NSMF: variants seen among roughly 807,000 people sequenced by gnomAD.
NSMF encodes nasal embryonic LHRH factor.
In NSMF, 31 loss-of-function variants were observed where a neutral mutation model predicts 71.0. That is an observed-to-expected ratio of 0.44 (90% confidence interval 0.33 to 0.59). The LOEUF (loss-of-function observed/expected upper bound fraction) is 0.59. Ranked by LOEUF, NSMF falls within the 20% of genes least tolerant of loss-of-function variation. NSMF has a pLI of 0.04. For missense variants in NSMF, 673 were observed against 740.5 expected (o/e 0.91, Z 1.06); for synonymous variants, 345 against 287.1 (o/e 1.20, Z -2.04).
At chr9:137,452,984 A>G in intron 9 of NSMF, 72 bp downstream of exon 9, 1 of 1,603,166 alleles carries the variant, frequency 6.2e-7, no homozygotes, top group Non-Finnish European at 8.5e-7. Flanking sequence ...TCCCAGGCAG[A>G]GCTGGCTGGA....
intron 3 of NSMF, 116 bp from the exon 4 acceptor site, chr9:137,456,602 G>A: frequency 8.4e-6 from 6 of 710,524 alleles, no homozygotes; most frequent in Admixed American, 1.8e-5. Flanking sequence ...CTGGCAGCCA[G>A]GGCGGGTGGG....
chr9:137,458,999 C>A (rs900718624), intron 1 of NSMF, 33 bp downstream of exon 1: 6 of 1,267,698 alleles, frequency 4.7e-6, no homozygotes, highest in Non-Finnish European at 6.0e-6. Flanking sequence ...AGGTCCAGGG[C>A]GGGGTGCGGG....
Position 137,456,819 on chromosome 9 carries a change from C to T in NSMF, c.629-333G>A, listed in dbSNP as rs569618176. On this transcript the variant is annotated intron_variant, in intron 3 of 15. Transcript: ENST00000371475. ...AAACAATGCGTCTGTTTCCCTTGGG[C>T]AGAAGAGGCTCTGAGGCCTTCTCTG... Among the ~76,000 whole-genome samples, 441 of 152,346 alleles carry T rather than the reference C, an allele frequency of 2.9e-3. 3 individuals are homozygous for T. The highest frequency in any genetic ancestry group is 0.01 in the African/African-American group (423 of 41,584).
chr9:137,459,023 C>G lies in NSMF; in HGVS notation c.71+9G>C. On this transcript the variant is annotated intron_variant, in intron 1 of 15. Transcript: ENST00000371475. ...GCGGGGTGCGGGAAGGCGGCCCCGC[C>G]GCACTCACCGCACTTTGGCCGCCAC... 7.8e-7 allele frequency: 1 copy of G among 1,280,468 alleles called. No individual in the cohort carries two copies. The highest frequency in any genetic ancestry group is 9.9e-7 in the Non-Finnish European group (1 of 1,015,068). The allele number at this position is 1,280,468 out of a possible 1,614,324, so 79.3% of individuals were successfully genotyped here. A position where few individuals can be genotyped will look rare whatever the true frequency, so the allele number is the denominator to read the frequency against.
In NSMF at chr9:137,457,609, G is replaced by T; in HGVS notation, c.426C>A (p.Ser142Arg). The T allele has an allele frequency of 6.4e-7, 1 of 1,553,434 alleles. No homozygotes were observed. The highest frequency in any genetic ancestry group is 8.7e-7 in the Non-Finnish European group (1 of 1,148,602). The change falls in exon 3 of 16, where the codon AGC becomes AGA. Residue 142 changes from serine to arginine, a missense_variant. Around this residue, in one of 2 missense-constraint regions of NSMF, gnomAD observed 471 missense variants for 459.6 expected, o/e 1.02. Transcript: ENST00000371475. Reference protein sequence around the residue: ...PHHHSQPLRASPGGSREDVSR... With the variant: ...PHHHSQPLRARPGGSREDVSR... The stretch of plus-strand genomic sequence containing the variant: ...TGACGTCCTCCCGGCTGCCACCAGG[G>T]CTGGCGCGCAGGGGCTGGCTGTGAT...
intron 2 of NSMF, 61 bp from the exon 3 acceptor site, chr9:137,457,962 A>G (rs1382247062): frequency 1.3e-6 from 2 of 1,534,268 alleles, no homozygotes; most frequent in East Asian, 4.9e-5. Flanking sequence ...CCGGTTTCAT[A>G]GCAGGCCGAA....
chr9:137,454,038 G>C (rs983705698), intron 7 of NSMF, among the ~76,000 whole-genome samples: 1 of 151,062 alleles, frequency 6.6e-6, no homozygotes, highest in East Asian at 2.0e-4. Flanking sequence ...TGGGAAGGGA[G>C]GAGCCTGGGC....
rs568415621 is a variant in NSMF, at chr9:137,448,090, G to C, written c.*1304C>G. On this transcript the variant is annotated 3_prime_UTR_variant, in exon 16 of 16. Coordinates refer to ENST00000371475, the MANE Select transcript of NSMF (RefSeq NM_001130969.3). This position sits in a 1 kb window ranked among gnomAD's most constrained non-coding sequence, Gnocchi z 5.3. ...CTGGTCCCCCTGGCTATGCCCTGTG[G>C]GGTGGTCTAGTGGCCTAGCTCCAAC... is the stretch of plus-strand genomic sequence containing the variant. 6.6e-6 allele frequency: 1 copy of C among 152,646 alleles called. No homozygotes were observed. The highest frequency in any genetic ancestry group is 1.9e-4 in the East Asian group (1 of 5,184). 9.5% of individuals were successfully genotyped at this position (152,646 alleles called of 1,614,324 possible).
At chr9:137,456,265 C>T (rs1830829288) in intron 4 of NSMF, 146 bp downstream of exon 4, 10 of 762,052 alleles carry the variant, frequency 1.3e-5, no homozygotes, top group Non-Finnish European at 2.4e-5. Context: ...CCTGGCCTCC[C>T]TGGCAGGCCT....
At position 137,455,276 on chromosome 9, in the gene NSMF, G is replaced by C; in HGVS notation, c.742C>G (p.Arg248Gly). The C allele has an allele frequency of 6.2e-7, 1 of 1,612,794 alleles. No homozygotes were observed. Among genetic ancestry groups the C allele is most frequent in the Non-Finnish European group, 8.5e-7 (1 of 1,179,924 alleles). ...GACGCGGAATCATTCTCCCGTTTCC[G>C]GCGCTTCCTCTCCGCGTAGCCCCTG... The part of the protein sequence containing the change: ...VFRGYAERKR[R>G]KRENDSASVI... Residue 248 changes from arginine (R) to glycine (G), a missense_variant, in exon 6 of 16, where the codon CGG becomes GGG. Arg to Gly is a moderately radical substitution (Grantham distance 125). Coordinates refer to ENST00000371475, the MANE Select transcript of NSMF (RefSeq NM_001130969.3).
At chr9:137,458,451 G>A (rs1463532396) in intron 2 of NSMF, 37 bp downstream of exon 2, 4 of 1,537,248 alleles carry the variant, frequency 2.6e-6, no homozygotes, top group Non-Finnish European at 3.5e-6. Context: ...GGGCTGGGGG[G>A]TCTGGGCGGC....
In NSMF at chr9:137,453,241, G is replaced by A; in HGVS notation, c.923-61C>T. ...GGCAGCACCTCCTATCCTGGCCATG[G>A]CCCCAAGGCCCACAGGGCCCGAAAG... On this transcript the variant is annotated intron_variant, in intron 8 of 15. Transcript: ENST00000371475. The surrounding 1 kb of genome is among the most constrained non-coding windows in gnomAD (Gnocchi z 4.5). The A allele has an allele frequency of 2.5e-6, 4 of 1,604,994 alleles. No homozygotes were observed. The highest frequency in any genetic ancestry group is 3.4e-6 in the Non-Finnish European group (4 of 1,178,444).
chr9:137,449,062 G>T lies in NSMF; in HGVS notation c.*332C>A. 2.1e-6 allele frequency: 1 copy of T among 476,076 alleles called. No individual in the cohort carries two copies. Among genetic ancestry groups the T allele is most frequent in the Non-Finnish European group, 3.9e-6 (1 of 257,900 alleles). 29.5% of individuals were successfully genotyped at this position (476,076 alleles called of 1,614,324 possible). On this transcript the variant is annotated 3_prime_UTR_variant, in exon 16 of 16. Coordinates refer to ENST00000371475, the MANE Select transcript of NSMF (RefSeq NM_001130969.3). ...CTGCTTCCCTTTGAATTGTTTCGGG[G>T]GTGTAGAAATTGCACTTATTTCTAT...
At chr9:137,452,343 G>A in intron 12 of NSMF, 22 bp downstream of exon 12, 1 of 1,607,032 alleles carries the variant, frequency 6.2e-7, no homozygotes, top group Non-Finnish European at 8.5e-7. Context: ...CTCCTGGTCA[G>A]GAGACGAGCA....
chr9:137,454,961 C>T, intron 6 of NSMF: 1 of 703,010 alleles, frequency 1.4e-6, no homozygotes, highest in Non-Finnish European at 2.6e-6. Context: ...AAAAAGCTTC[C>T]CAGACACATC....
Position 137,453,655 on chromosome 9 carries a change from C to G in NSMF, c.922+76G>C. 8.3e-7 allele frequency: 1 copy of G among 1,204,302 alleles called. No individual in the cohort carries two copies. 74.6% of individuals were successfully genotyped at this position (1,204,302 alleles called of 1,614,324 possible). On this transcript the variant is annotated intron_variant, in intron 8 of 15. Coordinates refer to ENST00000371475, the MANE Select transcript of NSMF (RefSeq NM_001130969.3). This position sits in a 1 kb window ranked among gnomAD's most constrained non-coding sequence, Gnocchi z 4.5. The stretch of plus-strand genomic sequence containing the variant: ...CAAAAGCGCAGCCCAGCGGCCCTGG[C>G]AGGGGACCCCCAGCAGGGGTCTGGG...
At position 137,458,538 on chromosome 9, in the gene NSMF, G is replaced by A; in HGVS notation, c.83C>T (p.Ala28Val). 1.3e-6 allele frequency: 2 copies of A among 1,596,910 alleles called. No homozygotes were observed. Among genetic ancestry groups the A allele is most frequent in the South Asian group, 1.1e-5 (1 of 88,812 alleles). Reference protein sequence around the residue: ...SVAAKVRAARAFGEYLSQSHP... With the variant: ...SVAAKVRAARVFGEYLSQSHP... Reference sequence around the variant, plus strand: ...ACTCTGGGACAGGTACTCTCCAAACGCTCGGGCTGCTCTGAGGGTGGACAG... The same window carrying A: ...ACTCTGGGACAGGTACTCTCCAAACACTCGGGCTGCTCTGAGGGTGGACAG... Residue 28 changes from alanine (A) to valine (V), a missense_variant, in exon 2 of 16, where the codon GCG becomes GTG. By Grantham distance (64) the Ala-to-Val change is moderately conservative (BLOSUM62 0). This residue lies in a region of NSMF where 471 missense variants were observed against 459.6 expected (regional missense o/e 1.02). Coordinates refer to ENST00000371475, the MANE Select transcript of NSMF (RefSeq NM_001130969.3).
At position 137,453,861 on chromosome 9, in the gene NSMF, G is replaced by A; in HGVS notation, c.833-41C>T. 1 of 1,526,616 alleles carries A rather than the reference G, an allele frequency of 6.6e-7. No homozygotes were observed. The highest frequency in any genetic ancestry group is 8.8e-7 in the Non-Finnish European group (1 of 1,134,888). The allele number at this position is 1,526,616 out of a possible 1,614,324, so 94.6% of individuals were successfully genotyped here. A position where few individuals can be genotyped will look rare whatever the true frequency, so the allele number is the denominator to read the frequency against. ...CCCGCATTAGCGAGCGGGTGGGGCGGGGCCTCGGGAGTCTCAGACCCCAGG... is the reference window on the plus strand; with the variant it reads ...CCCGCATTAGCGAGCGGGTGGGGCGAGGCCTCGGGAGTCTCAGACCCCAGG... On this transcript the variant is annotated intron_variant, in intron 7 of 15. Coordinates refer to ENST00000371475, the MANE Select transcript of NSMF (RefSeq NM_001130969.3). This position sits in a 1 kb window ranked among gnomAD's most constrained non-coding sequence, Gnocchi z 4.5.
chr9:137,451,833 G>A (rs907305249), intron 12 of NSMF, among the ~76,000 whole-genome samples: 3 of 14,518 alleles, frequency 2.1e-4, no homozygotes, highest in South Asian at 4.9e-3. Flanking sequence ...TTTCCCCCCC[G>A]CCACACGCCT....
Sources: allele counts gnomAD v4.1 joint callset (sites outside exome capture counted in the v4.1 genomes callset), GRCh38; gene constraint gnomAD v4.1.1; regional missense constraint gnomAD v4.1.1; non-coding constraint Gnocchi (gnomAD v3.1); transcripts MANE v1.5; gene names NCBI Gene and HGNC (gene_info 2026-07-23, HGNC 2026-07-21).